Variants in KIAA1671 observed in about 807,000 individuals in gnomAD.
KIAA1671 encodes the protein uncharacterized protein KIAA1671.
Under a neutral mutation model 131.2 loss-of-function variants are expected in KIAA1671, and 52 were observed. The observed-to-expected ratio is 0.40, with a 90% CI of 0.32 to 0.50. KIAA1671 has a LOEUF of 0.50. Among genes scored for constraint, KIAA1671 ranks in the 20% least tolerant of loss-of-function variants. The probability of loss-of-function intolerance (pLI) is 0.73; values close to 1 mark genes in which losing one functional copy is unlikely to be tolerated. For synonymous variants in KIAA1671, 1,003 were observed against 961.6 expected (o/e 1.04, Z -0.80); for missense variants, 2,360 against 2,364.2 (o/e 1.00, Z 0.04).
intron 6 of KIAA1671, among the ~76,000 whole-genome samples, chr22:25,163,132 A>T (rs113488649): frequency 0.083 from 12,550 of 151,966 alleles, 1,689 homozygotes; most frequent in African/African-American, 0.28. Flanking sequence ...ATTCAAGACC[A>T]GCCTGGGCAA....
chr22:25,030,572 T>C (rs1253486582), intron 3 of KIAA1671, among the ~76,000 whole-genome samples: 1 of 152,088 alleles, frequency 6.6e-6, no homozygotes, highest in African/African-American at 2.4e-5. Flanking sequence ...AAAAAAGATA[T>C]TCTTAGTCAT....
intron 6 of KIAA1671, among the ~76,000 whole-genome samples, chr22:25,080,620 C>G (rs1461137605): frequency 6.6e-6 from 1 of 152,178 alleles, no homozygotes; most frequent in Non-Finnish European, 1.5e-5. Flanking sequence ...GCAATCATAG[C>G]TCACTAAAGC....
intron 6 of KIAA1671, among the ~76,000 whole-genome samples, chr22:25,079,929 G>T (rs1568944065): frequency 6.6e-6 from 1 of 152,122 alleles, no homozygotes; most frequent in Non-Finnish European, 1.5e-5. Context: ...GGTCCAGGTG[G>T]GAGATGATGG....
At chr22:25,159,391 T>G (rs1422998302) in intron 6 of KIAA1671, among the ~76,000 whole-genome samples, 1 of 152,114 alleles carries the variant, frequency 6.6e-6, no homozygotes, top group Non-Finnish European at 1.5e-5. Flanking sequence ...CGGGGTGCCC[T>G]TGGAGGGAGT....
intron 1 of KIAA1671, among the ~76,000 whole-genome samples, chr22:25,002,473 C>A (rs930940282): frequency 2.6e-5 from 4 of 152,182 alleles, no homozygotes; most frequent in African/African-American, 9.6e-5. Context: ...GATACATCAA[C>A]TTCCTTTAGT....
chr22:25,190,847 A>C, intron 12 of KIAA1671, 63 bp downstream of exon 12: 1,109 of 1,115,988 alleles, frequency 9.9e-4, no homozygotes, highest in Non-Finnish European at 1.3e-3. Context: ...TGGGGAACTC[A>C]GGGGGGCCAC....
chr22:25,039,227 G>A lies in KIAA1671; in HGVS notation c.2097G>A (p.Thr699=), dbSNP rs1721676739. The A allele has an allele frequency of 1.9e-6, 3 of 1,552,106 alleles. No individual in the cohort carries two copies. The highest frequency in any genetic ancestry group is 2.4e-5 in the East Asian group (1 of 40,936). Reference sequence around the variant, plus strand: ...ATGGTGAACTGAGACCGTATCACACGCCTCTCCGGGACAAATACCCTTTGT... The same window carrying A: ...ATGGTGAACTGAGACCGTATCACACACCTCTCCGGGACAAATACCCTTTGT... ...LLNGELRPYH[T]PLRDKYPLSE... is the part of the protein sequence containing the mutation. The change falls in exon 5 of 13, where the codon ACG becomes ACA. Residue 699 remains threonine, a synonymous_variant. Transcript: ENST00000358431.
intron 6 of KIAA1671, among the ~76,000 whole-genome samples, chr22:25,095,823 A>T (rs888576438): frequency 6.6e-6 from 1 of 151,946 alleles, no homozygotes; most frequent in Non-Finnish European, 1.5e-5. Context: ...ACTTAGCATG[A>T]CCTCACCGTT....
chr22:25,150,601 G>A (rs1029118213), intron 6 of KIAA1671, among the ~76,000 whole-genome samples: 5 of 152,006 alleles, frequency 3.3e-5, no homozygotes, highest in East Asian at 1.9e-4. Flanking sequence ...TCTACCTCTC[G>A]CTCTTCCCTG....
intron 6 of KIAA1671, among the ~76,000 whole-genome samples, chr22:25,144,734 G>T (rs957930967): frequency 1.6e-4 from 24 of 152,158 alleles, no homozygotes; most frequent in South Asian, 4.1e-4. Context: ...AAAGGGACTT[G>T]CCCAGGGCCC....
At chr22:25,030,147 A>C (rs975368102) in intron 3 of KIAA1671, among the ~76,000 whole-genome samples, 370 of 152,326 alleles carry the variant, frequency 2.4e-3, no homozygotes, top group African/African-American at 8.5e-3. Flanking sequence ...CGATGTTGTC[A>C]ATCAGTTGGT....
At chr22:25,084,546 G>A (rs1378771393) in intron 6 of KIAA1671, among the ~76,000 whole-genome samples, 1 of 152,118 alleles carries the variant, frequency 6.6e-6, no homozygotes, top group Non-Finnish European at 1.5e-5. Flanking sequence ...AGGGTGTGCA[G>A]GGCAGGGACC....
At position 25,189,141 on chromosome 22, in the gene KIAA1671, T is replaced by TG. The variant is rs535058599; in HGVS notation, c.5343-1561_5343-1560insG. On this transcript the variant is annotated intron_variant, in intron 11 of 12. Coordinates refer to ENST00000358431, the MANE Select transcript of KIAA1671 (RefSeq NM_001145206.2). ...CAGTCTTTTTCTTTTTTTTTTTTTT[T>TG]TTTTGTTTTGTTTTTTTGTTTTTTT... Among the ~76,000 whole-genome samples, 1,054 of 149,470 alleles carry TG rather than the reference T, an allele frequency of 7.1e-3. 22 individuals are homozygous for TG. Among genetic ancestry groups the TG allele is most frequent in the African/African-American group, 0.025 (1,000 of 40,306 alleles).
chr22:25,004,085 G>T (rs113849590), intron 1 of KIAA1671, among the ~76,000 whole-genome samples: 2,639 of 151,990 alleles, frequency 0.017, 63 homozygotes, highest in African/African-American at 0.059. Context: ...CCAAAGTGCT[G>T]GGAATACAGG....
intron 7 of KIAA1671, among the ~76,000 whole-genome samples, chr22:25,172,610 C>T (rs9612882): frequency 1.3e-5 from 2 of 152,042 alleles, no homozygotes; most frequent in African/African-American, 2.4e-5. Context: ...TTTCTCAAGG[C>T]GAGGGTTTCC....
intron 6 of KIAA1671, among the ~76,000 whole-genome samples, chr22:25,130,506 C>T (rs902005987): frequency 3.3e-5 from 5 of 152,176 alleles, no homozygotes; most frequent in Non-Finnish European, 7.3e-5. Context: ...TGAGATACAA[C>T]TGCAAAGAGA....
chr22:25,112,210 C>T lies in KIAA1671; in HGVS notation c.4531-58610C>T, dbSNP rs73399835. ...ACCTGGGAGATAAACTCACAGTGGC[C>T]CAGACCCACATGACCCAGTGGATGG... On this transcript the variant is annotated intron_variant, in intron 6 of 12. Transcript: ENST00000358431. The T allele has an allele frequency of 1.7e-3, 659 of 399,058 alleles. 7 individuals carry two copies. In the South Asian group the frequency reaches 0.035, roughly 21 times the overall value. 24.7% of individuals were successfully genotyped at this position (399,058 alleles called of 1,614,324 possible). A position where few individuals can be genotyped will look rare whatever the true frequency, so the allele number is the denominator to read the frequency against.
At position 25,028,708 on chromosome 22, in the gene KIAA1671, CG is replaced by C; in HGVS notation, c.710del (p.Arg237ProfsTer2). ...TARPLVEPRP[R>X]LKRRPVSAIF... The stretch of plus-strand genomic sequence containing the variant: ...ACGCCCCCTTGTGGAGCCCAGGCCT[CG>C]CCTGAAGAGAAGGCCCGTGTCTGCC... On this transcript the variant is annotated frameshift_variant, in exon 3 of 13. Transcript: ENST00000358431. LOFTEE classifies it high-confidence loss of function. 6.4e-7 allele frequency: 1 copy of C among 1,551,224 alleles called. No homozygotes were observed. Among genetic ancestry groups the C allele is most frequent in the Non-Finnish European group, 8.7e-7 (1 of 1,147,006 alleles).
chr22:25,004,137 A>G (rs1316320507), intron 1 of KIAA1671, among the ~76,000 whole-genome samples: 1 of 145,092 alleles, frequency 6.9e-6, no homozygotes, highest in African/African-American at 2.6e-5. Flanking sequence ...TTTTTTTGAG[A>G]CAGGGTTTTA....
Sources: gnomAD v4.1 joint callset for allele counts (sites outside exome capture counted in the v4.1 genomes callset) on GRCh38, gnomAD v4.1.1 for gene constraint, MANE v1.5 for transcripts, NCBI Gene and HGNC (gene_info 2026-07-23, HGNC 2026-07-21) for gene names.